The following KLF12 variants were observed in gnomAD, a reference collection of about 807,000 sequenced individuals.
KLF12 encodes the protein KLF transcription factor 12.
A neutral mutation model predicts 37.8 loss-of-function variants in KLF12; 9 were observed. That is an observed-to-expected ratio of 0.24 (90% CI 0.14 to 0.42). The LOEUF is 0.42. Ranked by LOEUF, KLF12 falls within the 10% of genes least tolerant of loss-of-function variation. The pLI, the probability that KLF12 is intolerant of heterozygous loss-of-function variation, is 1.00. For missense variants in KLF12, 411 were observed against 516.0 expected (o/e 0.80, Z 1.97); for synonymous variants, 208 against 202.1 (o/e 1.03, Z -0.25).
intron 1 of KLF12, among the ~76,000 whole-genome samples, chr13:74,034,688 C>T (rs78804331): frequency 0.042 from 6,457 of 152,244 alleles, 179 homozygotes; most frequent in Non-Finnish European, 0.067. Flanking sequence ...TACTCTGATT[C>T]GGGTTTTATG....
chr13:73,858,956 C>A (rs1885757136), intron 3 of KLF12, among the ~76,000 whole-genome samples: 2 of 152,072 alleles, frequency 1.3e-5, no homozygotes, highest in African/African-American at 4.8e-5. Context: ...TTTTAAAACG[C>A]AGGAAAAAAA....
chr13:74,216,739 T>A, the KLF12 span, among the ~76,000 whole-genome samples: 1 of 151,610 alleles, frequency 6.6e-6, no homozygotes, highest in African/African-American at 2.4e-5. Flanking sequence ...CAACTAGGAC[T>A]GTTTCAGAAA....
chr13:73,907,985 C>T (rs1566451659), intron 3 of KLF12, among the ~76,000 whole-genome samples: 1 of 152,190 alleles, frequency 6.6e-6, no homozygotes, highest in Non-Finnish European at 1.5e-5. Context: ...GGTCTTTGTA[C>T]TGGCTGCCCA....
intron 1 of KLF12, among the ~76,000 whole-genome samples, 185 bp from the exon 2 acceptor site, chr13:73,995,238 A>T (rs768868397): frequency 1.1e-4 from 16 of 152,164 alleles, no homozygotes; most frequent in Non-Finnish European, 8.8e-5. Flanking sequence ...AAAGGGCAAA[A>T]TGCAGTAGAG....
intron 3 of KLF12, among the ~76,000 whole-genome samples, chr13:73,847,616 A>G (rs1885099826): frequency 6.6e-6 from 1 of 152,148 alleles, no homozygotes; most frequent in Non-Finnish European, 1.5e-5. Flanking sequence ...CAGATCAACT[A>G]AAATAGGAAA....
chr13:73,815,087 A>C (rs2138451005), intron 4 of KLF12, among the ~76,000 whole-genome samples: 1 of 152,034 alleles, frequency 6.6e-6, no homozygotes, highest in Non-Finnish European at 1.5e-5. Flanking sequence ...ACCTCCTCAA[A>C]TGTTAGGAAT....
chr13:74,047,319 C>T (rs1366305634), intron 1 of KLF12, among the ~76,000 whole-genome samples: 1 of 151,892 alleles, frequency 6.6e-6, no homozygotes, highest in African/African-American at 2.4e-5. Context: ...AGGCCAGGCG[C>T]GGTGGCTCAC....
chr13:74,295,948 G>A, the KLF12 span, among the ~76,000 whole-genome samples: 3 of 151,892 alleles, frequency 2.0e-5, no homozygotes, highest in African/African-American at 7.3e-5. Flanking sequence ...TGAGTAGCAG[G>A]GATGATAGAC....
chr13:73,912,438 C>T (rs1474982432), intron 3 of KLF12, among the ~76,000 whole-genome samples: 5 of 152,108 alleles, frequency 3.3e-5, no homozygotes, highest in South Asian at 4.1e-4. Flanking sequence ...TACTGGAAGA[C>T]GGTGGGCCCT....
At chr13:74,003,140 T>G (rs1359734550) in intron 1 of KLF12, among the ~76,000 whole-genome samples, 2 of 152,216 alleles carry the variant, frequency 1.3e-5, no homozygotes, top group Admixed American at 6.5e-5. Flanking sequence ...CAGATTAAGA[T>G]GCCATCCTTA....
At chr13:74,028,760 T>C (rs191199030) in intron 1 of KLF12, among the ~76,000 whole-genome samples, 1 of 152,100 alleles carries the variant, frequency 6.6e-6, no homozygotes, top group African/African-American at 2.4e-5. Context: ...AGAGTTACAA[T>C]GTGTAAGAGA....
At chr13:74,170,602 A>G in the KLF12 span, among the ~76,000 whole-genome samples, 1 of 152,184 alleles carries the variant, frequency 6.6e-6, no homozygotes, top group Non-Finnish European at 1.5e-5. Flanking sequence ...CTTTGTAGTT[A>G]GCATGCTTTC....
intron 3 of KLF12, among the ~76,000 whole-genome samples, chr13:73,883,638 G>A (rs908839955): frequency 9.9e-5 from 15 of 152,258 alleles, no homozygotes; most frequent in Admixed American, 6.5e-4. Flanking sequence ...GCTTTGGGGA[G>A]AGCACTCCAC....
chr13:74,057,280 T>A (rs1226213246), intron 1 of KLF12, among the ~76,000 whole-genome samples: 1 of 152,008 alleles, frequency 6.6e-6, no homozygotes, highest in Non-Finnish European at 1.5e-5. Context: ...GGAGACAAAG[T>A]ACAACAGGGA....
At chr13:73,808,758 T>C (rs1026764421) in intron 5 of KLF12, among the ~76,000 whole-genome samples, 9 of 152,084 alleles carry the variant, frequency 5.9e-5, no homozygotes, top group Admixed American at 1.3e-4. Context: ...AAATCCAAAC[T>C]TGAACAGTTA....
chr13:74,304,132 T>G, the KLF12 span, among the ~76,000 whole-genome samples: 4,776 of 152,218 alleles, frequency 0.031, 89 homozygotes, highest in African/African-American at 0.039. Context: ...GCCTAGTGAG[T>G]ACACTGGCTG....
At chr13:73,840,298 A>G (rs554046251) in intron 4 of KLF12, among the ~76,000 whole-genome samples, 2 of 152,034 alleles carry the variant, frequency 1.3e-5, no homozygotes, top group South Asian at 2.1e-4. Flanking sequence ...CTAACCTCAC[A>G]ATGCTCAGGT....
At chr13:74,252,618 A>G in the KLF12 span, among the ~76,000 whole-genome samples, 1 of 152,240 alleles carries the variant, frequency 6.6e-6, no homozygotes, top group African/African-American at 2.4e-5. Context: ...ATTACTTTCT[A>G]TAGGCATTGA....
intron 4 of KLF12, among the ~76,000 whole-genome samples, chr13:73,816,030 T>C (rs1230628850): frequency 6.6e-6 from 1 of 152,238 alleles, no homozygotes; most frequent in East Asian, 1.9e-4. Flanking sequence ...TATTATGAAA[T>C]ACATCTGCTA....
Sources: allele counts gnomAD v4.1 joint callset (sites outside exome capture counted in the v4.1 genomes callset), GRCh38; gene constraint gnomAD v4.1.1; transcripts MANE v1.5; gene names NCBI Gene and HGNC (gene_info 2026-07-23, HGNC 2026-07-21).